ZNF821: variants seen among roughly 807,000 people sequenced by gnomAD.
ZNF821 encodes the protein zinc finger protein 821.
A neutral mutation model predicts 44.3 loss-of-function variants in ZNF821; 16 were observed. The ratio of observed to expected loss-of-function variants is 0.36; its 90% CI spans 0.24 to 0.55. The LOEUF is 0.55. Ranked by LOEUF, ZNF821 falls within the 20% of genes least tolerant of loss-of-function variation. The pLI is 0.86. For missense variants in ZNF821, 436 were observed against 547.6 expected (o/e 0.80, Z 2.03); for synonymous variants, 204 against 197.6 (o/e 1.03, Z -0.27).
intron 4 of ZNF821, among the ~76,000 whole-genome samples, chr16:71,865,912 G>T (rs1296949443): frequency 6.6e-6 from 1 of 152,164 alleles, no homozygotes; most frequent in East Asian, 1.9e-4. Context: ...TGTGGCTGGG[G>T]AGTCTGCAAG....
chr16:71,879,878 G>T, intron 3 of ZNF821, 29 bp downstream of exon 3: 1 of 1,607,974 alleles, frequency 6.2e-7, no homozygotes. Flanking sequence ...AGCATTCCCA[G>T]GTTCCAGAAG....
At chr16:71,875,495 C>T (rs935940208) in intron 3 of ZNF821, among the ~76,000 whole-genome samples, 27 of 151,054 alleles carry the variant, frequency 1.8e-4, no homozygotes, top group African/African-American at 6.3e-4. Flanking sequence ...GCTCTGTCAC[C>T]CAGGCTGGAG....
At chr16:71,862,013 CTT>C in intron 6 of ZNF821, 71 bp from the exon 7 acceptor site, 1 of 1,558,856 alleles carries the variant, frequency 6.4e-7, no homozygotes, top group East Asian at 2.3e-5. Context: ...TTAGAAATGA[CTT>C]TTGGGAAATG....
intron 4 of ZNF821, 60 bp from the exon 5 acceptor site, chr16:71,865,108 C>T (rs2142366461): frequency 6.2e-7 from 1 of 1,604,122 alleles, no homozygotes; most frequent in East Asian, 2.2e-5. Context: ...CTGAGCTGCT[C>T]TCCACCCTAG....
exon 1 of ZNF821, chr16:71,895,047 G>A: frequency 4.1e-6 from 2 of 492,458 alleles, no homozygotes; most frequent in Non-Finnish European, 7.3e-6. Flanking sequence ...CGGAGGCGCT[G>A]GGTGAAGAGT....
intron 3 of ZNF821, among the ~76,000 whole-genome samples, chr16:71,879,025 C>G (rs1024730989): frequency 1.3e-5 from 2 of 152,124 alleles, no homozygotes; most frequent in Non-Finnish European, 2.9e-5. Context: ...GCCTCTCCCT[C>G]TTGTGATCCA....
At chr16:71,891,201 CTG>C (rs979358678) in intron 1 of ZNF821, among the ~76,000 whole-genome samples, 5 of 152,184 alleles carry the variant, frequency 3.3e-5, no homozygotes, top group African/African-American at 7.2e-5. Flanking sequence ...GGCTCAAACA[CTG>C]TGTCTGGTTT....
intron 3 of ZNF821, among the ~76,000 whole-genome samples, chr16:71,870,130 G>C (rs1201178227): frequency 3.3e-5 from 5 of 152,168 alleles, no homozygotes; most frequent in Non-Finnish European, 7.3e-5. Context: ...ATCAGGGCCA[G>C]TATATGATCA....
At position 71,879,971 on chromosome 16, in the gene ZNF821, T is replaced by TTA. The variant is rs745948808; in HGVS notation, c.-26_-25insTA. On this transcript the variant is annotated 5_prime_UTR_variant, in exon 3 of 8. Transcript: ENST00000425432. Reference sequence around the variant, plus strand: ...TGTTTCCCTGATGCAAGAGCTCTGGTCTTTCCCAGTTTCACGACTGGATAT... The same window carrying TTA: ...TGTTTCCCTGATGCAAGAGCTCTGGTTACTTTCCCAGTTTCACGACTGGATAT... 2 of 1,611,428 alleles carry TTA rather than the reference T, an allele frequency of 1.2e-6. No homozygotes were observed. Among genetic ancestry groups the TTA allele is most frequent in the African/African-American group, 2.7e-5 (2 of 74,942 alleles).
At chr16:71,885,306 A>G (rs1217284688), upstream of ZNF821, 1 of 152,382 alleles carries the variant, frequency 6.6e-6, no homozygotes, top group Non-Finnish European at 1.5e-5. Context: ...AGAGGAAAGA[A>G]GATGAGATCT....
At chr16:71,878,409 G>A (rs924624425) in intron 3 of ZNF821, among the ~76,000 whole-genome samples, 8 of 151,720 alleles carry the variant, frequency 5.3e-5, no homozygotes, top group African/African-American at 1.5e-4. Flanking sequence ...AAGCCACCGC[G>A]CCCGGCCACT....
At chr16:71,894,025 C>A (rs982925729) in intron 1 of ZNF821, 12 of 152,126 alleles carry the variant, frequency 7.9e-5, no homozygotes, top group African/African-American at 2.9e-4. Context: ...GGTGATCCAC[C>A]TGCCTCAGTC....
intron 2 of ZNF821, among the ~76,000 whole-genome samples, chr16:71,882,697 A>G (rs2036558293): frequency 6.6e-6 from 1 of 152,200 alleles, no homozygotes; most frequent in Non-Finnish European, 1.5e-5. Flanking sequence ...AATAATAACA[A>G]AAACACCCAC....
chr16:71,895,153 G>A (rs931311143), exon 1 of ZNF821: 2 of 267,542 alleles, frequency 7.5e-6, no homozygotes, highest in South Asian at 9.1e-5. Context: ...AACTCCCGGC[G>A]TCAGAGAGGC....
chr16:71,888,345 A>G (rs182038335), upstream of ZNF821, among the ~76,000 whole-genome samples: 92 of 152,228 alleles, frequency 6.0e-4, no homozygotes, highest in Middle Eastern at 3.4e-3. Context: ...CTACGAAACT[A>G]TCACCGCCTA....
Position 71,878,979 on chromosome 16 carries a change from C to G in ZNF821, c.40+928G>C, listed in dbSNP as rs138687307. On this transcript the variant is annotated intron_variant, in intron 3 of 7. Coordinates refer to ENST00000425432, the MANE Select transcript of ZNF821 (RefSeq NM_001201552.2). The stretch of plus-strand genomic sequence containing the variant: ...GCATGTGACACTGTTGAAAACAACA[C>G]AAGGTAATAGTGTATACTTGGCCTT... 2.6e-5 allele frequency among the ~76,000 whole-genome samples: 4 copies of G among 151,626 alleles called. No individual in the cohort carries two copies. The East Asian group carries it at 7.8e-4, about 29-fold the overall frequency.
chr16:71,867,601 G>A (rs1246130755), intron 4 of ZNF821, among the ~76,000 whole-genome samples: 1 of 151,768 alleles, frequency 6.6e-6, no homozygotes, highest in Non-Finnish European at 1.5e-5. Flanking sequence ...CAGGAGAATC[G>A]CTTGAACCTG....
intron 5 of ZNF821, chr16:71,864,659 C>A: frequency 2.0e-6 from 1 of 493,780 alleles, no homozygotes; most frequent in Non-Finnish European, 3.6e-6. Flanking sequence ...TCTGGAAAGA[C>A]GTGGGGAGCT....
chr16:71,885,695 G>GCACAA (rs2036824871), upstream of ZNF821, among the ~76,000 whole-genome samples: 3 of 152,146 alleles, frequency 2.0e-5, no homozygotes, highest in Non-Finnish European at 2.9e-5. Flanking sequence ...ATTACATTGA[G>GCACAA]GGATCTTGGT....
Sources: allele counts gnomAD v4.1 joint callset (sites outside exome capture counted in the v4.1 genomes callset), GRCh38; gene constraint gnomAD v4.1.1; transcripts MANE v1.5; gene names NCBI Gene and HGNC (gene_info 2026-07-23, HGNC 2026-07-21).